SLC41A2: variants seen among roughly 807,000 people sequenced by gnomAD.
SLC41A2 encodes the protein solute carrier family 41 member 2.
Under a neutral mutation model 58.3 loss-of-function variants are expected in SLC41A2, and 32 were observed. That is an observed-to-expected ratio of 0.55 (90% CI 0.41 to 0.74). The LOEUF (loss-of-function observed/expected upper bound fraction) is 0.74. Among genes scored for constraint, SLC41A2 ranks in the 30% least tolerant of loss-of-function variants. SLC41A2 has a pLI of 0.00. For synonymous variants in SLC41A2, 190 were observed against 235.0 expected, an observed-to-expected ratio of 0.81 and a Z score of 1.75; for missense variants, 514 against 680.6, an observed-to-expected ratio of 0.76 and a Z score of 2.72.
chr12:104,849,717 A>G (rs2042730842), intron 8 of SLC41A2, among the ~76,000 whole-genome samples: 2 of 152,152 alleles, frequency 1.3e-5, no homozygotes, highest in Admixed American at 1.3e-4. Flanking sequence ...AGTTGCAGCT[A>G]CTCAGAAGAC....
chr12:104,899,848 G>A (rs542758800), intron 3 of SLC41A2, among the ~76,000 whole-genome samples: 10 of 152,252 alleles, frequency 6.6e-5, no homozygotes, highest in African/African-American at 2.4e-4. Flanking sequence ...TGCTTTTCAA[G>A]TGTAGGCCCC....
intron 2 of SLC41A2, 108 bp downstream of exon 2, chr12:104,927,865 A>C: frequency 9.7e-7 from 1 of 1,026,834 alleles, no homozygotes; most frequent in Non-Finnish European, 1.3e-6. Context: ...CCAAGGGATA[A>C]ATTAAATCTA....
chr12:104,940,934 CAAAAAAAAA>C (rs386377636), intron 1 of SLC41A2, among the ~76,000 whole-genome samples: 1 of 95,546 alleles, frequency 1.0e-5, no homozygotes, highest in South Asian at 4.1e-4. Flanking sequence ...GACTCTGCCT[CAAAAAAAAA>C]AAAAAAAAAA....
intron 3 of SLC41A2, among the ~76,000 whole-genome samples, chr12:104,903,999 A>G (rs1250316744): frequency 2.0e-5 from 3 of 152,204 alleles, no homozygotes; most frequent in African/African-American, 7.2e-5. Flanking sequence ...CAAATTAACG[A>G]AGGTTAAAAA....
intron 4 of SLC41A2, among the ~76,000 whole-genome samples, chr12:104,891,878 G>A (rs1167184603): frequency 6.6e-6 from 1 of 152,134 alleles, no homozygotes; most frequent in African/African-American, 2.4e-5. Context: ...AGAAGCAGTA[G>A]CATTTCTATA....
intron 7 of SLC41A2, among the ~76,000 whole-genome samples, chr12:104,862,030 G>A (rs894341379): frequency 6.6e-6 from 1 of 152,168 alleles, no homozygotes; most frequent in African/African-American, 2.4e-5. Flanking sequence ...AAGTTTCCAA[G>A]GCCATTATCA....
chr12:104,893,481 T>C (rs2045118374), intron 4 of SLC41A2, among the ~76,000 whole-genome samples: 2 of 152,202 alleles, frequency 1.3e-5, no homozygotes, highest in African/African-American at 4.8e-5. Context: ...AGCTACCATA[T>C]GATCCAAAAA....
intron 10 of SLC41A2, among the ~76,000 whole-genome samples, chr12:104,814,603 G>GA (rs371679345): frequency 3.5e-4 from 51 of 147,742 alleles, no homozygotes; most frequent in Admixed American, 6.7e-4. Context: ...GTCTACAAGT[G>GA]AAAAAAAAAA....
intron 6 of SLC41A2, among the ~76,000 whole-genome samples, chr12:104,880,896 G>C (rs1158494456): frequency 6.6e-6 from 1 of 152,180 alleles, no homozygotes; most frequent in Non-Finnish European, 1.5e-5. Context: ...AATGATACCA[G>C]CTCCTCTCTG....
At chr12:104,950,460 AG>A (rs2047909858) in intron 1 of SLC41A2, among the ~76,000 whole-genome samples, 2 of 152,160 alleles carry the variant, frequency 1.3e-5, no homozygotes, top group African/African-American at 4.8e-5. Flanking sequence ...AAGTTTCCTG[AG>A]GCCTCCCCAT....
At position 104,844,620 on chromosome 12, in the gene SLC41A2, C is replaced by A; in HGVS notation, c.1388G>T (p.Gly463Val). ...YYPFRTFFGP[G>V]VNNKSAQVLL... ...AACTTGAGCAGACTTATTATTTACT[C>A]CTGTAATATAAAATGTAAAAGTAAT... is the stretch of plus-strand genomic sequence containing the variant. Residue 463 changes from glycine to valine, a missense_variant and splice_region_variant, in exon 10 of 11, where the codon GGA (glycine) becomes GTA (valine). By Grantham distance (109) the Gly-to-Val change is moderately radical. This residue lies in a region of SLC41A2 where 128 missense variants were observed against 146.0 expected (regional missense o/e 0.88). Coordinates refer to ENST00000258538, the MANE Select transcript of SLC41A2 (RefSeq NM_001352171.3). 1 of 1,482,434 alleles carries A rather than the reference C, an allele frequency of 6.7e-7. No individual in the cohort carries two copies. The highest frequency in any genetic ancestry group is 1.5e-5 in the South Asian group (1 of 67,360). 91.8% of individuals were successfully genotyped at this position (1,482,434 alleles called of 1,614,324 possible).
intron 10 of SLC41A2, among the ~76,000 whole-genome samples, chr12:104,839,801 C>A (rs935373599): frequency 6.6e-6 from 1 of 152,198 alleles, no homozygotes; most frequent in African/African-American, 2.4e-5. Context: ...CTGCGCCCGG[C>A]CTCTGCTTTC....
At chr12:104,872,662 G>A (rs756631075) in intron 6 of SLC41A2, among the ~76,000 whole-genome samples, 88 of 151,560 alleles carry the variant, frequency 5.8e-4, no homozygotes, top group South Asian at 4.2e-4. Flanking sequence ...CCTGGGAGGC[G>A]GAGGTTGCAG....
chr12:104,861,196 C>A, intron 8 of SLC41A2, 95 bp downstream of exon 8: 1 of 819,370 alleles, frequency 1.2e-6, no homozygotes, highest in South Asian at 2.3e-5. Context: ...GAGGACAGAC[C>A]TCTTGAATCT....
At chr12:104,833,335 CCAAA>C (rs1207683506) in intron 10 of SLC41A2, among the ~76,000 whole-genome samples, 2 of 152,268 alleles carry the variant, frequency 1.3e-5, no homozygotes, top group South Asian at 2.1e-4. Context: ...TAGGGGCCAA[CCAAA>C]CAATGGTCAT....
chr12:104,846,979 A>G (rs541291776), intron 8 of SLC41A2, among the ~76,000 whole-genome samples: 1 of 152,318 alleles, frequency 6.6e-6, no homozygotes, highest in East Asian at 1.9e-4. Context: ...TAAAAAATTA[A>G]AAGACAGGAA....
At chr12:104,871,213 A>C (rs562086875) in intron 6 of SLC41A2, among the ~76,000 whole-genome samples, 1 of 152,330 alleles carries the variant, frequency 6.6e-6, no homozygotes, top group East Asian at 1.9e-4. Flanking sequence ...AATATCTAAT[A>C]ATTTTTTCAA....
chr12:104,947,195 C>CTTTTTTTTTTTTTT (rs1565923573), intron 1 of SLC41A2, among the ~76,000 whole-genome samples: 1 of 113,534 alleles, frequency 8.8e-6, no homozygotes, highest in East Asian at 3.2e-4. Flanking sequence ...TATTTTTGTC[C>CTTTTTTTTTTTTTT]TTTTTTTTTT....
chr12:104,913,711 C>A (rs1270274091), intron 2 of SLC41A2, among the ~76,000 whole-genome samples: 3 of 152,190 alleles, frequency 2.0e-5, no homozygotes, highest in Non-Finnish European at 4.4e-5. Flanking sequence ...AGAATGGCCA[C>A]CTTGCAGGCT....
Sources: allele counts gnomAD v4.1 joint callset (sites outside exome capture counted in the v4.1 genomes callset), GRCh38; gene constraint gnomAD v4.1.1; regional missense constraint gnomAD v4.1.1; transcripts MANE v1.5; gene names NCBI Gene and HGNC (gene_info 2026-07-23, HGNC 2026-07-21).